The following CHD1 variants were observed in gnomAD, a reference collection of about 807,000 sequenced individuals.
CHD1 encodes chromodomain helicase DNA binding protein 1.
CHD1 carries 36 observed loss-of-function variants against 224.2 expected under a neutral mutation model. That is an observed-to-expected ratio of 0.16 (90% CI 0.12 to 0.21). The LOEUF (loss-of-function observed/expected upper bound fraction) is 0.21, where lower values mean the gene tolerates loss of function less well. Ranked by LOEUF, CHD1 falls within the 10% of genes least tolerant of loss-of-function variation. The pLI, the probability that CHD1 is intolerant of heterozygous loss-of-function variation, is 1.00. For synonymous variants in CHD1, 668 were observed against 658.3 expected, an observed-to-expected ratio of 1.01 and a Z score of -0.23; for missense variants, 1,378 against 1,994.8, an observed-to-expected ratio of 0.69 and a Z score of 5.89.
At position 98,889,148 on chromosome 5, in the gene CHD1, T is replaced by C. The variant is rs763058207; in HGVS notation, c.2271A>G (p.Lys757=). The C allele has an allele frequency of 2.5e-5, 41 of 1,608,210 alleles. No homozygotes were observed. The highest frequency in any genetic ancestry group is 1.6e-4 in the Middle Eastern group (1 of 6,064). ...GFLNIMMELK[K]CCNHCYLIKP... ...TAATGAGGTAGCAATGGTTACAACATTTCTTTAGCTCCATCATAATGTTCA... is the reference window on the plus strand; with the variant it reads ...TAATGAGGTAGCAATGGTTACAACACTTCTTTAGCTCCATCATAATGTTCA... The change falls in exon 16 of 36, where the codon AAA becomes AAG. Residue 757 remains lysine, a synonymous_variant. Transcript: ENST00000614616.
intron 2 of CHD1, among the ~76,000 whole-genome samples, chr5:98,918,770 A>AAAAAAAAAAAC (rs1752911713): frequency 1.2e-5 from 1 of 81,624 alleles, no homozygotes; most frequent in African/African-American, 4.7e-5. Flanking sequence ...AAAAAAAAAC[A>AAAAAAAAAAAC]AAAAAAAAAA....
chr5:98,916,120 A>T (rs1752712291), intron 2 of CHD1, among the ~76,000 whole-genome samples: 1 of 152,134 alleles, frequency 6.6e-6, no homozygotes, highest in Non-Finnish European at 1.5e-5. Context: ...TGAACCCAGG[A>T]GGTGGAAGTT....
intron 15 of CHD1, among the ~76,000 whole-genome samples, chr5:98,891,519 G>C (rs927363525): frequency 1.3e-5 from 2 of 152,168 alleles, no homozygotes; most frequent in Non-Finnish European, 2.9e-5. Context: ...TGAGTTGAAA[G>C]GGAAGCTGGG....
intron 25 of CHD1, among the ~76,000 whole-genome samples, chr5:98,874,703 C>G (rs1749618232): frequency 6.6e-6 from 1 of 150,586 alleles, no homozygotes; most frequent in South Asian, 2.1e-4. Flanking sequence ...CAGTGAGAGA[C>G]TCCATTTAAA....
chr5:98,897,934 C>A (rs1315766188), intron 10 of CHD1, among the ~76,000 whole-genome samples: 1 of 152,114 alleles, frequency 6.6e-6, no homozygotes, highest in South Asian at 2.1e-4. Flanking sequence ...ATTCTCCCAA[C>A]CCTTCCTGAC....
chr5:98,867,368 G>A (rs1748956957), intron 31 of CHD1, among the ~76,000 whole-genome samples: 1 of 152,128 alleles, frequency 6.6e-6, no homozygotes, highest in Non-Finnish European at 1.5e-5. Context: ...CTCATAATTT[G>A]ACAATGCAAC....
intron 31 of CHD1, among the ~76,000 whole-genome samples, chr5:98,866,396 T>A (rs1287899964): frequency 6.6e-6 from 1 of 152,158 alleles, no homozygotes; most frequent in Non-Finnish European, 1.5e-5. Flanking sequence ...TATTAGGGCA[T>A]GTTGTGGAAT....
rs191449652 is a variant in CHD1, at chr5:98,896,462, T to A, written c.1494-20A>T. 6.0e-5 allele frequency: 92 copies of A among 1,524,624 alleles called. 1 individual carries two copies. The African/African-American group carries it at 7.7e-4, about 13-fold the overall frequency. The allele number at this position is 1,524,624 out of a possible 1,614,324, so 94.4% of individuals were successfully genotyped here. A position where few individuals can be genotyped will look rare whatever the true frequency, so the allele number is the denominator to read the frequency against. On this transcript the variant is annotated intron_variant, in intron 11 of 35. Transcript: ENST00000614616. The stretch of plus-strand genomic sequence containing the variant: ...TTTCCTCTACAAAGTTAAAAAAAAA[T>A]TAGCATGCAAGGAAATATTCAAATA...
chr5:98,895,745 C>CA (rs200185039), intron 12 of CHD1, among the ~76,000 whole-genome samples: 2,144 of 116,204 alleles, frequency 0.018, 26 homozygotes, highest in South Asian at 0.037. Flanking sequence ...AGAGTGAAAA[C>CA]AAAAAAAAAA....
intron 2 of CHD1, among the ~76,000 whole-genome samples, chr5:98,910,175 C>A (rs1032972763): frequency 1.3e-5 from 2 of 152,110 alleles, no homozygotes; most frequent in Non-Finnish European, 2.9e-5. Flanking sequence ...AATTCAAATT[C>A]AAAACTGCAA....
chr5:98,881,224 A>C (rs1241928071), intron 21 of CHD1, 53 bp from the exon 22 acceptor site: 20 of 1,419,040 alleles, frequency 1.4e-5, no homozygotes, highest in Non-Finnish European at 1.9e-5. Flanking sequence ...CATCCTGTCA[A>C]ATATATGACA....
chr5:98,870,062 A>T (rs1749217552), intron 29 of CHD1, among the ~76,000 whole-genome samples, 180 bp from the exon 30 acceptor site: 1 of 152,180 alleles, frequency 6.6e-6, no homozygotes, highest in African/African-American at 2.4e-5. Flanking sequence ...CAAATATAAT[A>T]TTAATGTAAA....
intron 18 of CHD1, 124 bp downstream of exon 18, chr5:98,885,454 G>C (rs1750585359): frequency 1.5e-6 from 1 of 659,492 alleles, no homozygotes; most frequent in African/African-American, 1.9e-5. Context: ...GCTAATCAAA[G>C]GTGGCTAACA....
At chr5:98,869,389 C>A in intron 30 of CHD1, 1 of 382,122 alleles carries the variant, frequency 2.6e-6, no homozygotes, top group Non-Finnish European at 3.6e-6. Flanking sequence ...AGCCCAGAAT[C>A]CCCCTAATAA....
chr5:98,854,485 TAA>T lies in CHD1; in HGVS notation c.*1893_*1894del, dbSNP rs1292465047. On this transcript the variant is annotated 3_prime_UTR_variant, in exon 36 of 36. Coordinates refer to ENST00000614616, the MANE Select transcript of CHD1 (RefSeq NM_001270.4). Reference sequence around the variant, plus strand: ...TCATACTAAATGTAGAGAAAAGTGATAAAAGTTTCAAAAATGTGTGCCAGGAC... The same window carrying T: ...TCATACTAAATGTAGAGAAAAGTGATAAGTTTCAAAAATGTGTGCCAGGAC... 1 of 152,112 alleles carries T rather than the reference TAA, an allele frequency of 6.6e-6. No homozygotes were observed. The highest frequency in any genetic ancestry group is 1.5e-5 in the Non-Finnish European group (1 of 67,954). 9.4% of individuals were successfully genotyped at this position (152,112 alleles called of 1,614,324 possible). A position where few individuals can be genotyped will look rare whatever the true frequency, so the allele number is the denominator to read the frequency against.
chr5:98,905,693 T>TTAATAA (rs1200991069), intron 2 of CHD1, among the ~76,000 whole-genome samples: 1 of 152,196 alleles, frequency 6.6e-6, no homozygotes, highest in Non-Finnish European at 1.5e-5. Flanking sequence ...AAATCACTTA[T>TTAATAA]TAATAAGTTC....
intron 35 of CHD1, 129 bp downstream of exon 35, chr5:98,858,051 C>T (rs1320374064): frequency 3.0e-6 from 2 of 660,722 alleles, no homozygotes; most frequent in African/African-American, 3.6e-5. Flanking sequence ...TTATATACAA[C>T]ACCTTTATTT....
rs1748634930 is a variant in CHD1 at position 98,863,525 on chromosome 5, C to T, written c.4310G>A (p.Gly1437Asp). The stretch of plus-strand genomic sequence containing the variant: ...CTCTAGTTGTTCTCTTTCTGAAAGG[C>T]CTTTCTCAGGCCTATCAAGTTGTTT... ...ALKQLDRPEK[G>D]LSEREQLEHT... Residue 1437 changes from glycine to aspartate, a missense_variant, in exon 32 of 36, where the codon GGC (glycine) becomes GAC (aspartate). Around this residue, in one of 16 missense-constraint regions of CHD1, gnomAD observed 23 missense variants for 65.8 expected, o/e 0.35. Coordinates refer to ENST00000614616, the MANE Select transcript of CHD1 (RefSeq NM_001270.4). The T allele has an allele frequency of 1.2e-6, 2 of 1,610,184 alleles. No homozygotes were observed. The highest frequency in any genetic ancestry group is 1.3e-5 in the African/African-American group (1 of 74,508).
chr5:98,860,131 T>C (rs1418216315), intron 32 of CHD1, 63 bp from the exon 33 acceptor site: 3 of 861,154 alleles, frequency 3.5e-6, no homozygotes, highest in Non-Finnish European at 5.8e-6. Context: ...GTTTTTTTCA[T>C]GGAACTCCTT....
Sources: gnomAD v4.1 joint callset for allele counts (sites outside exome capture counted in the v4.1 genomes callset) on GRCh38, gnomAD v4.1.1 for gene constraint, gnomAD v4.1.1 regional missense constraint, MANE v1.5 for transcripts, NCBI Gene and HGNC (gene_info 2026-07-23, HGNC 2026-07-21) for gene names.